The following LPAR3 variants were observed in gnomAD, a reference collection of about 807,000 sequenced individuals.
LPAR3 encodes the protein LPA receptor 3.
Under a neutral mutation model 17.8 loss-of-function variants are expected in LPAR3, and 7 were observed. That is an observed-to-expected ratio of 0.39 (90% CI 0.22 to 0.74). LPAR3 has a LOEUF of 0.74. LPAR3 is among the 30% of genes least tolerant of loss of function. LPAR3 has a pLI of 0.40. For missense variants in LPAR3, 391 were observed against 453.4 expected, an observed-to-expected ratio of 0.86 and a Z score of 1.25; for synonymous variants, 179 against 179.9, an observed-to-expected ratio of 0.99 and a Z score of 0.04.
rs951126820 is a variant in LPAR3 at position 84,893,177 on chromosome 1, C to A, written c.-180G>T. 6.6e-6 allele frequency: 1 copy of A among 152,116 alleles called. No individual in the cohort carries two copies. Among genetic ancestry groups the A allele is most frequent in the African/African-American group, 2.4e-5 (1 of 41,442 alleles). The allele number at this position is 152,116 out of a possible 1,614,324, so 9.4% of individuals were successfully genotyped here. Reference sequence around the variant, plus strand: ...GGCGGGCGGAGCGCCTCCTCTCCAGCGACCCCTGCGACGCGTCCAGAGCCA... The same window carrying A: ...GGCGGGCGGAGCGCCTCCTCTCCAGAGACCCCTGCGACGCGTCCAGAGCCA... On this transcript the variant is annotated 5_prime_UTR_variant, in exon 1 of 3. Transcript: ENST00000370611.
At chr1:84,857,258 G>T (rs1368752084) in intron 2 of LPAR3, among the ~76,000 whole-genome samples, 1 of 152,186 alleles carries the variant, frequency 6.6e-6, no homozygotes, top group Middle Eastern at 3.2e-3. Flanking sequence ...AGGTCTAAGA[G>T]TAGCTAATAT....
chr1:84,851,822 A>G (rs1010174990), intron 2 of LPAR3, among the ~76,000 whole-genome samples: 6 of 152,200 alleles, frequency 3.9e-5, no homozygotes, highest in Admixed American at 6.6e-5. Flanking sequence ...CAGCCTTGTA[A>G]TCCCAACTAA....
chr1:84,865,670 G>C lies in LPAR3; in HGVS notation c.451C>G (p.Leu151Val), dbSNP rs780872798. The C allele has an allele frequency of 2.5e-6, 4 of 1,614,202 alleles. No homozygotes were observed. The highest frequency in any genetic ancestry group is 3.4e-6 in the Non-Finnish European group (4 of 1,180,034). Residue 151 changes from leucine (L) to valine (V), a missense_variant, in exon 2 of 3, where the codon CTT becomes GTT. Coordinates refer to ENST00000370611, the MANE Select transcript of LPAR3 (RefSeq NM_012152.3). ...TKKRVTLLIL[L>V]VWAIAIFMGA... is the part of the protein sequence containing the mutation. ...ATAAAAATGGCGATGGCCCAGACAA[G>C]CAAAATGAGCAGTGTCACCCTCTTT...
chr1:84,877,309 T>C (rs752502920), intron 1 of LPAR3, among the ~76,000 whole-genome samples: 1 of 152,218 alleles, frequency 6.6e-6, no homozygotes, highest in Non-Finnish European at 1.5e-5. Context: ...CACAGTGGTG[T>C]TTCCAGTGAC....
chr1:84,854,020 C>T (rs1377143287), intron 2 of LPAR3, among the ~76,000 whole-genome samples: 1 of 152,218 alleles, frequency 6.6e-6, no homozygotes, highest in Non-Finnish European at 1.5e-5. Flanking sequence ...AGACCCAATT[C>T]ATATACCCAT....
intron 2 of LPAR3, among the ~76,000 whole-genome samples, chr1:84,855,213 G>T (rs1361465700): frequency 6.6e-6 from 1 of 152,128 alleles, no homozygotes; most frequent in African/African-American, 2.4e-5. Flanking sequence ...GAACATAGTA[G>T]TCCCCAGCTG....
At chr1:84,891,917 TTA>T (rs1484059732) in intron 1 of LPAR3, among the ~76,000 whole-genome samples, 7 of 152,094 alleles carry the variant, frequency 4.6e-5, no homozygotes, top group Admixed American at 3.9e-4. Context: ...ATTACTCAGT[TTA>T]AAAAACTGAC....
intron 2 of LPAR3, among the ~76,000 whole-genome samples, chr1:84,822,500 G>T (rs1278612604): frequency 6.6e-6 from 1 of 152,102 alleles, no homozygotes; most frequent in Admixed American, 6.5e-5. Context: ...GGTGACAAGC[G>T]AAGTAAAAGA....
intron 2 of LPAR3, 47 bp from the exon 3 acceptor site, chr1:84,814,218 C>A (rs1374659451): frequency 6.6e-7 from 1 of 1,510,592 alleles, no homozygotes; most frequent in Non-Finnish European, 9.1e-7. Flanking sequence ...CCTTAGGGGA[C>A]TTATTCAGGT....
At chr1:84,859,398 G>A (rs1402880281) in intron 2 of LPAR3, among the ~76,000 whole-genome samples, 1 of 152,116 alleles carries the variant, frequency 6.6e-6, no homozygotes, top group African/African-American at 2.4e-5. Flanking sequence ...CCAGCTCCCT[G>A]TTTTAATTAC....
At chr1:84,832,428 A>G (rs11161464) in intron 2 of LPAR3, among the ~76,000 whole-genome samples, 118,933 of 152,082 alleles carry the variant, frequency 0.78, 46,713 homozygotes, top group African/African-American at 0.87. Context: ...GTCATAGGCA[A>G]TAAATGACAC....
At chr1:84,884,418 T>C (rs1268835157) in intron 1 of LPAR3, among the ~76,000 whole-genome samples, 1 of 152,252 alleles carries the variant, frequency 6.6e-6, no homozygotes, top group Non-Finnish European at 1.5e-5. Context: ...GCATTTTGCA[T>C]TTCTAACATA....
chr1:84,843,144 A>C (rs1185385276), intron 2 of LPAR3, among the ~76,000 whole-genome samples: 2 of 152,196 alleles, frequency 1.3e-5, no homozygotes, highest in Non-Finnish European at 2.9e-5. Context: ...ACGCCTGTGG[A>C]GGGTCTGGCC....
At chr1:84,868,882 C>A (rs1660105024) in intron 1 of LPAR3, among the ~76,000 whole-genome samples, 1 of 152,014 alleles carries the variant, frequency 6.6e-6, no homozygotes, top group Non-Finnish European at 1.5e-5. Context: ...TTTATTATTG[C>A]AACAGGAATA....
intron 2 of LPAR3, among the ~76,000 whole-genome samples, chr1:84,835,458 T>G (rs940676417): frequency 6.6e-6 from 1 of 150,972 alleles, no homozygotes; most frequent in Non-Finnish European, 1.5e-5. Flanking sequence ...TGTGTGTACG[T>G]GTGTGTACGT....
Position 84,813,579 on chromosome 1 carries a change from G to C in LPAR3, c.*267C>G. ...ATGGTGCCAGAACCCAGAAGGCCCA[G>C]CTGGACTGACAGGAGCTCTGAGCAG... On this transcript the variant is annotated 3_prime_UTR_variant, in exon 3 of 3. Coordinates refer to ENST00000370611, the MANE Select transcript of LPAR3 (RefSeq NM_012152.3). The C allele has an allele frequency of 2.6e-6, 1 of 377,636 alleles. No individual in the cohort carries two copies. The highest frequency in any genetic ancestry group is 4.8e-6 in the Non-Finnish European group (1 of 208,900). 23.4% of individuals were successfully genotyped at this position (377,636 alleles called of 1,614,324 possible).
At chr1:84,878,503 C>T (rs1323861789) in intron 1 of LPAR3, among the ~76,000 whole-genome samples, 1 of 152,052 alleles carries the variant, frequency 6.6e-6, no homozygotes, top group Admixed American at 6.5e-5. Flanking sequence ...CCACAAGCCC[C>T]GACACCTCTC....
intron 1 of LPAR3, among the ~76,000 whole-genome samples, chr1:84,875,444 A>C (rs988839837): frequency 6.6e-6 from 1 of 152,104 alleles, no homozygotes; most frequent in African/African-American, 2.4e-5. Flanking sequence ...ACTGTTACTG[A>C]GAGAGTGGAT....
chr1:84,844,783 G>C (rs1291995510), intron 2 of LPAR3, among the ~76,000 whole-genome samples: 2 of 152,080 alleles, frequency 1.3e-5, no homozygotes, highest in African/African-American at 4.8e-5. Flanking sequence ...TCATTACTCT[G>C]TGAGTACTAT....
Sources: allele counts gnomAD v4.1 joint callset (sites outside exome capture counted in the v4.1 genomes callset), GRCh38; gene constraint gnomAD v4.1.1; transcripts MANE v1.5; gene names NCBI Gene and HGNC (gene_info 2026-07-23, HGNC 2026-07-21).